Variants in ADORA1 observed in about 807,000 individuals in gnomAD.
The protein encoded by ADORA1 is adenosine A1 receptor.
Under a neutral mutation model 19.9 loss-of-function variants are expected in ADORA1, and 6 were observed. The ratio of observed to expected loss-of-function variants is 0.30; its 90% CI spans 0.17 to 0.59. The LOEUF is 0.59. ADORA1 is among the 20% of genes least tolerant of loss of function. The pLI, the probability that ADORA1 is intolerant of heterozygous loss-of-function variation, is 0.87. For missense variants in ADORA1, 302 were observed against 439.2 expected, an observed-to-expected ratio of 0.69 and a Z score of 2.79; for synonymous variants, 194 against 188.4, an observed-to-expected ratio of 1.03 and a Z score of -0.24.
chr1:203,128,977 T>G lies in ADORA1; in HGVS notation c.136T>G (p.Cys46Gly). ...CCAGGCGCTGCGGGATGCCACCTTC[T>G]GCTTCATCGTGTCGCTGGCGGTGGC... ...VNQALRDATFCFIVSLAVADV... is the reference protein window; with the variant it reads ...VNQALRDATFGFIVSLAVADV... Residue 46 changes from cysteine to glycine, a missense_variant, in exon 3 of 4, where the codon TGC (cysteine) becomes GGC (glycine). By Grantham distance (159) the Cys-to-Gly change is radical (BLOSUM62 -3). Transcript: ENST00000337894. This position sits in a 1 kb window ranked among gnomAD's most constrained non-coding sequence, Gnocchi z 5.9. The G allele has an allele frequency of 6.2e-7, 1 of 1,614,204 alleles. No individual in the cohort carries two copies. Among genetic ancestry groups the G allele is most frequent in the Non-Finnish European group, 8.5e-7 (1 of 1,180,038 alleles).
chr1:203,146,433 A>T (rs1654860623), intron 3 of ADORA1, among the ~76,000 whole-genome samples: 1 of 152,036 alleles, frequency 6.6e-6, no homozygotes, highest in South Asian at 2.1e-4. Flanking sequence ...GTTTGAGACC[A>T]CTTGGGCAAC....
chr1:203,149,023 G>T (rs1318644724), intron 3 of ADORA1, among the ~76,000 whole-genome samples: 1 of 152,066 alleles, frequency 6.6e-6, no homozygotes, highest in African/African-American at 2.4e-5. Flanking sequence ...GACTACAGGT[G>T]CATGCCACCA....
chr1:203,150,805 T>C (rs1571800563), intron 3 of ADORA1: 1 of 1,159,258 alleles, frequency 8.6e-7, no homozygotes, highest in Non-Finnish European at 1.1e-6. Context: ...GTCTTCTCTG[T>C]CCTCCCCCTA....
chr1:203,128,448 C>G lies in ADORA1; in HGVS notation c.-58+16C>G, dbSNP rs1457331471. 1 of 1,292,772 alleles carries G rather than the reference C, an allele frequency of 7.7e-7. No individual in the cohort carries two copies. Among genetic ancestry groups the G allele is most frequent in the South Asian group, 1.2e-5 (1 of 80,788 alleles). 80.1% of individuals were successfully genotyped at this position (1,292,772 alleles called of 1,614,324 possible). On this transcript the variant is annotated intron_variant, in intron 2 of 3. Transcript: ENST00000337894. The surrounding 1 kb of genome is among the most constrained non-coding windows in gnomAD (Gnocchi z 5.9). ...AGGCAGGATGGTGAGCTCCCTGCATCCTGTTCTGTGCACAGGGGTGGGCAG... is the reference window on the plus strand; with the variant it reads ...AGGCAGGATGGTGAGCTCCCTGCATGCTGTTCTGTGCACAGGGGTGGGCAG...
intron 3 of ADORA1, among the ~76,000 whole-genome samples, chr1:203,142,762 T>C (rs113597158): frequency 7.9e-5 from 12 of 152,186 alleles, no homozygotes; most frequent in African/African-American, 2.4e-4. Context: ...CCCCGTCTCC[T>C]GGAGGCCTTG....
intron 3 of ADORA1, chr1:203,152,497 C>T (rs1655069966): frequency 6.6e-6 from 1 of 152,372 alleles, no homozygotes; most frequent in South Asian, 2.1e-4. Context: ...GGAATTTTGC[C>T]CCTTTTAGCA....
At chr1:203,161,894 G>T (rs564528929) in intron 3 of ADORA1, among the ~76,000 whole-genome samples, 2 of 152,294 alleles carry the variant, frequency 1.3e-5, no homozygotes, top group South Asian at 4.1e-4. Context: ...CTATCTTTAA[G>T]GTACTGTCTG....
chr1:203,156,727 A>G (rs1315157275), intron 3 of ADORA1, among the ~76,000 whole-genome samples: 1 of 152,210 alleles, frequency 6.6e-6, no homozygotes, highest in African/African-American at 2.4e-5. Context: ...CATAATGAAC[A>G]GAAATTTATT....
chr1:203,151,133 G>T (rs1655019279), intron 3 of ADORA1, among the ~76,000 whole-genome samples: 1 of 152,208 alleles, frequency 6.6e-6, no homozygotes, highest in African/African-American at 2.4e-5. Flanking sequence ...AGCGTTCAGG[G>T]TTCCAGGCAA....
Position 203,128,992 on chromosome 1 carries a change from C to T in ADORA1, c.151C>T (p.Leu51=). 6.2e-7 allele frequency: 1 copy of T among 1,614,196 alleles called. No homozygotes were observed. The change falls in exon 3 of 4, where the codon CTG becomes TTG. Residue 51 remains leucine, a synonymous_variant. Coordinates refer to ENST00000337894, the MANE Select transcript of ADORA1 (RefSeq NM_000674.3). The surrounding 1 kb of genome is among the most constrained non-coding windows in gnomAD (Gnocchi z 5.9). ...TGCCACCTTCTGCTTCATCGTGTCG[C>T]TGGCGGTGGCTGATGTGGCCGTGGG... is the stretch of plus-strand genomic sequence containing the variant. ...RDATFCFIVS[L]AVADVAVGAL...
In ADORA1 at chr1:203,128,687, G is replaced by GCTGCA; in HGVS notation, c.-57-98_-57-97insCTGCA. Reference sequence around the variant, plus strand: ...CCTGGGTAGGAGCTGCATGTGACAAGTGGGACACATCACAGGGTACCTGGA... The same window carrying GCTGCA: ...CCTGGGTAGGAGCTGCATGTGACAAGCTGCATGGGACACATCACAGGGTACCTGGA... On this transcript the variant is annotated intron_variant, in intron 2 of 3. Transcript: ENST00000337894. The surrounding 1 kb of genome is among the most constrained non-coding windows in gnomAD (Gnocchi z 5.9). 7.2e-7 allele frequency: 1 copy of GCTGCA among 1,380,228 alleles called. No homozygotes were observed. The highest frequency in any genetic ancestry group is 9.6e-7 in the Non-Finnish European group (1 of 1,039,080). 85.5% of individuals were successfully genotyped at this position (1,380,228 alleles called of 1,614,324 possible).
chr1:203,145,695 T>C (rs1424108607), intron 3 of ADORA1, among the ~76,000 whole-genome samples: 2 of 152,222 alleles, frequency 1.3e-5, no homozygotes, highest in African/African-American at 2.4e-5. Context: ...ACTAGTATTA[T>C]ATGCCTCACA....
chr1:203,145,879 G>A (rs1368088183), intron 3 of ADORA1, among the ~76,000 whole-genome samples: 1 of 152,156 alleles, frequency 6.6e-6, no homozygotes, highest in African/African-American at 2.4e-5. Context: ...TCCTTTACAA[G>A]CCTGCCAAGG....
At chr1:203,159,991 G>A (rs756731275) in intron 3 of ADORA1, among the ~76,000 whole-genome samples, 22 of 152,218 alleles carry the variant, frequency 1.4e-4, no homozygotes, top group Non-Finnish European at 2.5e-4. Context: ...CCTGGAGCAG[G>A]AGAGGCTTGC....
At chr1:203,161,602 G>C (rs182171599) in intron 3 of ADORA1, among the ~76,000 whole-genome samples, 1 of 143,008 alleles carries the variant, frequency 7.0e-6, no homozygotes, top group Non-Finnish European at 1.5e-5. Context: ...ACAGATTTTC[G>C]CTCTTGTTGC....
chr1:203,129,272 C>T (rs1240583278), intron 3 of ADORA1, 90 bp downstream of exon 3: 1 of 1,510,182 alleles, frequency 6.6e-7, no homozygotes, highest in Non-Finnish European at 8.8e-7. Flanking sequence ...AGCATAAGAC[C>T]CCAAGTAAGC....
At chr1:203,130,579 G>A (rs532136133) in intron 3 of ADORA1, among the ~76,000 whole-genome samples, 1 of 152,364 alleles carries the variant, frequency 6.6e-6, no homozygotes, top group South Asian at 2.1e-4. Context: ...GCTGCCATTA[G>A]TCCCAGGTTG....
intron 3 of ADORA1, among the ~76,000 whole-genome samples, chr1:203,160,708 G>A (rs1655335667): frequency 6.6e-6 from 1 of 152,122 alleles, no homozygotes; most frequent in Admixed American, 6.5e-5. Flanking sequence ...CTACTCAGGA[G>A]GCTGAGGTGG....
intron 3 of ADORA1, among the ~76,000 whole-genome samples, chr1:203,144,489 A>T (rs970131777): frequency 6.6e-6 from 1 of 152,238 alleles, no homozygotes; most frequent in Non-Finnish European, 1.5e-5. Flanking sequence ...ATAGTATTTT[A>T]TACTAATAAA....
Sources: allele counts gnomAD v4.1 joint callset (sites outside exome capture counted in the v4.1 genomes callset), GRCh38; gene constraint gnomAD v4.1.1; non-coding constraint Gnocchi (gnomAD v3.1); transcripts MANE v1.5; gene names NCBI Gene and HGNC (gene_info 2026-07-23, HGNC 2026-07-21).